Variants in LSAMP observed in about 807,000 individuals in gnomAD.
LSAMP encodes limbic system-associated membrane protein.
In LSAMP, 7 loss-of-function variants were observed where a neutral mutation model predicts 38.6. That is an observed-to-expected ratio of 0.18 (90% confidence interval 0.10 to 0.34). The LOEUF (loss-of-function observed/expected upper bound fraction) is 0.34, where lower values mean the gene tolerates loss of function less well. LSAMP is among the 10% of genes least tolerant of loss of function. The probability of loss-of-function intolerance (pLI) is 1.00; values close to 1 mark genes in which losing one functional copy is unlikely to be tolerated. For synonymous variants in LSAMP, 154 were observed against 166.8 expected (o/e 0.92, Z 0.59); for missense variants, 313 against 420.0 (o/e 0.75, Z 2.23).
rs561472838 is a variant in LSAMP, at chr3:116,220,970, C to T, written c.156-134414G>A. ...GAGATCGAGACCATCCTGGCTAACA[C>T]GGTGAAACCCCATCTCTACTAAAAA... On this transcript the variant is annotated intron_variant, in intron 1 of 6. Coordinates refer to ENST00000490035, the MANE Select transcript of LSAMP (RefSeq NM_002338.5). 2.2e-3 allele frequency among the ~76,000 whole-genome samples: 327 copies of T among 151,862 alleles called. 2 individuals carry two copies. Among genetic ancestry groups the T allele is most frequent in the South Asian group, 0.013 (61 of 4,800 alleles).
At chr3:116,313,289 G>A (rs556153749) in intron 1 of LSAMP, among the ~76,000 whole-genome samples, 5 of 152,152 alleles carry the variant, frequency 3.3e-5, no homozygotes, top group Non-Finnish European at 7.4e-5. Context: ...ATGAAACTTT[G>A]CTGTCTGTGG....
intron 1 of LSAMP, among the ~76,000 whole-genome samples, chr3:116,272,503 C>T (rs2046987651): frequency 6.6e-6 from 1 of 152,120 alleles, no homozygotes; most frequent in Non-Finnish European, 1.5e-5. Context: ...TCATATCATG[C>T]CCACTGGCTA....
chr3:116,171,611 A>C (rs1043427668), intron 1 of LSAMP, among the ~76,000 whole-genome samples: 8 of 152,106 alleles, frequency 5.3e-5, no homozygotes, highest in Non-Finnish European at 8.8e-5. Flanking sequence ...ACAACTTCTT[A>C]TCACCCATAA....
intron 3 of LSAMP, among the ~76,000 whole-genome samples, chr3:115,888,465 T>C (rs1412627227): frequency 6.6e-6 from 1 of 151,950 alleles, no homozygotes; most frequent in East Asian, 1.9e-4. Flanking sequence ...CCTCACATCA[T>C]ACCCAGTCTT....
At chr3:116,115,405 C>A (rs1708718844) in intron 1 of LSAMP, among the ~76,000 whole-genome samples, 2 of 152,168 alleles carry the variant, frequency 1.3e-5, no homozygotes, top group African/African-American at 2.4e-5. Context: ...TCAAGGAATT[C>A]TAGTCAATAA....
rs150005827 is a variant in LSAMP, at chr3:116,428,169, C to G, written c.155+16708G>C. Among the ~76,000 whole-genome samples, 472 of 152,266 alleles carry G rather than the reference C, an allele frequency of 3.1e-3. 1 individual carries two copies. Among genetic ancestry groups the G allele is most frequent in the Non-Finnish European group, 5.0e-3 (339 of 68,032 alleles). On this transcript the variant is annotated intron_variant, in intron 1 of 6. Coordinates refer to ENST00000490035, the MANE Select transcript of LSAMP (RefSeq NM_002338.5). Reference sequence around the variant, plus strand: ...TATATTTGAACTGAACATATCATTACCTGGTCTAGAATTGTCTGCAAATTT... The same window carrying G: ...TATATTTGAACTGAACATATCATTAGCTGGTCTAGAATTGTCTGCAAATTT...
At chr3:116,044,840 G>A (rs574441456) in intron 2 of LSAMP, among the ~76,000 whole-genome samples, 50 of 152,296 alleles carry the variant, frequency 3.3e-4, no homozygotes, top group African/African-American at 1.2e-3. Flanking sequence ...GCTGCATGGA[G>A]TGGCTTCCAT....
At chr3:116,039,188 T>C (rs955373915) in intron 2 of LSAMP, among the ~76,000 whole-genome samples, 2 of 152,230 alleles carry the variant, frequency 1.3e-5, no homozygotes, top group African/African-American at 2.4e-5. Context: ...CTTTTGGAAA[T>C]GATTGAATTG....
chr3:115,850,583 CA>C (rs1469473195), intron 4 of LSAMP, among the ~76,000 whole-genome samples: 1 of 152,176 alleles, frequency 6.6e-6, no homozygotes, highest in Non-Finnish European at 1.5e-5. Flanking sequence ...ACACACCCAA[CA>C]CTAGAAAATA....
At chr3:116,319,827 A>G (rs2047683738) in intron 1 of LSAMP, among the ~76,000 whole-genome samples, 1 of 151,232 alleles carries the variant, frequency 6.6e-6, no homozygotes, top group Non-Finnish European at 1.5e-5. Flanking sequence ...ATAAAAATGG[A>G]AAGTTTAGCT....
intron 3 of LSAMP, among the ~76,000 whole-genome samples, chr3:115,922,914 G>C (rs774193983): frequency 3.3e-5 from 5 of 152,152 alleles, no homozygotes; most frequent in Non-Finnish European, 7.4e-5. Context: ...AGACTACCAA[G>C]CTCTCCCTTT....
chr3:116,283,767 C>T (rs969111885), intron 1 of LSAMP, among the ~76,000 whole-genome samples: 1 of 152,144 alleles, frequency 6.6e-6, no homozygotes, highest in Non-Finnish European at 1.5e-5. Flanking sequence ...CCTCCTCAGT[C>T]CTCCTTAGTT....
At chr3:116,301,668 C>T (rs1456124351) in intron 1 of LSAMP, among the ~76,000 whole-genome samples, 1 of 152,118 alleles carries the variant, frequency 6.6e-6, no homozygotes, top group East Asian at 1.9e-4. Context: ...CCCCATTTCT[C>T]ATGCATATAT....
At chr3:115,936,082 C>T (rs540987967) in intron 3 of LSAMP, among the ~76,000 whole-genome samples, 13 of 152,308 alleles carry the variant, frequency 8.5e-5, no homozygotes, top group Admixed American at 2.0e-4. Context: ...AAGTGACATC[C>T]AAACCTCTCT....
intron 3 of LSAMP, among the ~76,000 whole-genome samples, chr3:115,996,150 T>C (rs1939809109): frequency 6.6e-6 from 1 of 152,138 alleles, no homozygotes; most frequent in Admixed American, 6.6e-5. Flanking sequence ...TCCTAAAGTG[T>C]GCTAATTAAA....
chr3:116,012,925 A>C (rs1247742895), intron 3 of LSAMP, among the ~76,000 whole-genome samples: 1 of 152,228 alleles, frequency 6.6e-6, no homozygotes, highest in African/African-American at 2.4e-5. Context: ...TTAAACATAG[A>C]CTACTTGGAA....
intron 1 of LSAMP, among the ~76,000 whole-genome samples, chr3:116,120,994 A>G (rs932022369): frequency 6.6e-6 from 1 of 152,152 alleles, no homozygotes; most frequent in African/African-American, 2.4e-5. Context: ...AAACTCTGTG[A>G]AACCCATTAC....
intron 1 of LSAMP, among the ~76,000 whole-genome samples, chr3:116,341,080 T>C (rs1201667672): frequency 6.6e-6 from 1 of 152,006 alleles, no homozygotes; most frequent in African/African-American, 2.4e-5. Flanking sequence ...GGTAATGACA[T>C]TTAAACACTT....
chr3:116,400,963 T>C (rs1438406442), intron 1 of LSAMP, among the ~76,000 whole-genome samples: 2 of 152,198 alleles, frequency 1.3e-5, no homozygotes, highest in Non-Finnish European at 2.9e-5. Flanking sequence ...TAGCAAATAG[T>C]GTCCCACCTC....
Sources: allele counts gnomAD v4.1 joint callset (sites outside exome capture counted in the v4.1 genomes callset), GRCh38; gene constraint gnomAD v4.1.1; transcripts MANE v1.5; gene names NCBI Gene and HGNC (gene_info 2026-07-23, HGNC 2026-07-21).